Variants in TSPAN1 observed in about 807,000 individuals in gnomAD.
TSPAN1 encodes the protein tetraspanin-1.
In TSPAN1, 23 loss-of-function variants were observed where a neutral mutation model predicts 26.9. That is an observed-to-expected ratio of 0.85 (90% CI 0.62 to 1.21). The LOEUF (loss-of-function observed/expected upper bound fraction) is 1.21, where lower values mean the gene tolerates loss of function less well. Ranked by LOEUF, TSPAN1 falls within the 50% of genes most tolerant of loss-of-function variation. The pLI is 0.00. For synonymous variants in TSPAN1, 115 were observed against 114.8 expected, an observed-to-expected ratio of 1.00 and a Z score of -0.01; for missense variants, 283 against 298.4, an observed-to-expected ratio of 0.95 and a Z score of 0.38.
chr1:46,175,872 GTTTT>G, intron 1 of TSPAN1: 6 of 307,828 alleles, frequency 1.9e-5, no homozygotes, highest in Admixed American at 4.8e-5. Flanking sequence ...ACTGGCTCTG[GTTTT>G]TTTTTTTTTT....
At chr1:46,175,896 A>G in intron 1 of TSPAN1, 1 of 354,262 alleles carries the variant, frequency 2.8e-6, no homozygotes. Flanking sequence ...TTCTTGAGAC[A>G]GAGTCTAGCT....
At chr1:46,189,532 GT>G, downstream of TSPAN1, 1 of 1,613,230 alleles carries the variant, frequency 6.2e-7, no homozygotes, top group Non-Finnish European at 8.5e-7. Flanking sequence ...GGCCCCGATG[GT>G]TGCCACGCAC....
chr1:46,176,772 C>T (rs1487446059), intron 1 of TSPAN1, among the ~76,000 whole-genome samples: 2 of 152,230 alleles, frequency 1.3e-5, no homozygotes, highest in Non-Finnish European at 2.9e-5. Flanking sequence ...TTTTTGAGCA[C>T]TTACTACGTG....
At chr1:46,196,372 A>G in the TSPAN1 span, among the ~76,000 whole-genome samples, 1 of 151,970 alleles carries the variant, frequency 6.6e-6, no homozygotes, top group Non-Finnish European at 1.5e-5. This position sits in a 1 kb window ranked among gnomAD's most constrained non-coding sequence, Gnocchi z 4.4. Context: ...ACCACACTGA[A>G]CCCCTCAAGG....
chr1:46,176,064 A>G (rs1474709567), intron 1 of TSPAN1, among the ~76,000 whole-genome samples: 2 of 152,032 alleles, frequency 1.3e-5, no homozygotes, highest in South Asian at 2.1e-4. Context: ...TTTAGTAGAG[A>G]TGGGATTTCA....
At chr1:46,175,466 C>G (rs1404454133) in intron 1 of TSPAN1, 57 bp downstream of exon 1, 4 of 397,228 alleles carry the variant, frequency 1.0e-5, no homozygotes, top group Non-Finnish European at 1.8e-5. Context: ...TGGTTAACAC[C>G]TCTGTGTGGA....
Position 46,185,707 on chromosome 1 carries a change from A to G in TSPAN1, c.*174A>G. 1 of 704,840 alleles carries G rather than the reference A, an allele frequency of 1.4e-6. No individual in the cohort carries two copies. The highest frequency in any genetic ancestry group is 1.8e-5 in the South Asian group (1 of 56,622). The allele number at this position is 704,840 out of a possible 1,614,324, so 43.7% of individuals were successfully genotyped here. On this transcript the variant is annotated 3_prime_UTR_variant, in exon 9 of 9. Coordinates refer to ENST00000372003, the MANE Select transcript of TSPAN1 (RefSeq NM_005727.4). ...AGATAGGGACCACTCCTTTTAGGCG[A>G]TGCCTGACTTTCCTTCCATTGGTGG...
At chr1:46,194,593 T>A in the TSPAN1 span, 2 of 1,614,176 alleles carry the variant, frequency 1.2e-6, no homozygotes, top group Non-Finnish European at 1.7e-6. Flanking sequence ...TCAGCAGGAC[T>A]GGGTCCCCCC....
At chr1:46,193,986 T>C in the TSPAN1 span, 1 of 1,602,026 alleles carries the variant, frequency 6.2e-7, no homozygotes. Flanking sequence ...GATCCCCACC[T>C]AGGGAAGACT....
the TSPAN1 span, chr1:46,194,995 G>T: frequency 6.2e-7 from 1 of 1,604,034 alleles, no homozygotes; most frequent in Non-Finnish European, 8.5e-7. Context: ...AGCCTGACTG[G>T]CATGGTTCCA....
the TSPAN1 span, chr1:46,194,427 G>A: frequency 6.2e-7 from 1 of 1,614,164 alleles, no homozygotes; most frequent in South Asian, 1.1e-5. Flanking sequence ...GGTTGTCATG[G>A]AGGCATGGGG....
chr1:46,188,706 A>G (rs757228094), downstream of TSPAN1: 1 of 1,596,870 alleles, frequency 6.3e-7, no homozygotes, highest in South Asian at 1.1e-5. Flanking sequence ...TCCTTTTTTA[A>G]TCAATGACCA....
chr1:46,181,447 A>C (rs1657313858), intron 3 of TSPAN1, among the ~76,000 whole-genome samples: 1 of 152,220 alleles, frequency 6.6e-6, no homozygotes, highest in South Asian at 2.1e-4. Context: ...GGGCAGAGTA[A>C]GCTACCAGGA....
At chr1:46,177,867 G>T (rs754536751) in intron 1 of TSPAN1, among the ~76,000 whole-genome samples, 4 of 152,172 alleles carry the variant, frequency 2.6e-5, no homozygotes, top group African/African-American at 9.7e-5. Flanking sequence ...AAGGAAACTG[G>T]GGCTCAGTGA....
the TSPAN1 span, chr1:46,194,435 G>A: frequency 2.5e-6 from 4 of 1,614,110 alleles, no homozygotes; most frequent in African/African-American, 1.3e-5. Flanking sequence ...TGGAGGCATG[G>A]GGCCAGCAAG....
At chr1:46,190,093 AGTTC>A, downstream of TSPAN1, 2 of 1,122,990 alleles carry the variant, frequency 1.8e-6, no homozygotes, top group Non-Finnish European at 2.5e-6. Context: ...GCCACCTTGA[AGTTC>A]TTTTTTTTTT....
chr1:46,176,758 A>G (rs1030922870), intron 1 of TSPAN1, among the ~76,000 whole-genome samples: 1 of 152,218 alleles, frequency 6.6e-6, no homozygotes, highest in Non-Finnish European at 1.5e-5. Flanking sequence ...AATATTAACA[A>G]TGTTTTTTGA....
At chr1:46,195,072 T>C in the TSPAN1 span, 3 of 924,644 alleles carry the variant, frequency 3.2e-6, no homozygotes, top group Non-Finnish European at 5.4e-6. Flanking sequence ...CATTACATTA[T>C]TGCAATAACC....
chr1:46,179,264 G>A (rs1421823847), intron 1 of TSPAN1, among the ~76,000 whole-genome samples: 1 of 150,536 alleles, frequency 6.6e-6, no homozygotes, highest in Non-Finnish European at 1.5e-5. Context: ...AGTGAGCTGT[G>A]ATGTTGCCAC....
Sources: gnomAD v4.1 joint callset for allele counts (sites outside exome capture counted in the v4.1 genomes callset) on GRCh38, gnomAD v4.1.1 for gene constraint, Gnocchi (gnomAD v3.1) non-coding constraint, MANE v1.5 for transcripts, NCBI Gene and HGNC (gene_info 2026-07-23, HGNC 2026-07-21) for gene names.